The following MLLT10 variants were observed in gnomAD, a reference collection of about 807,000 sequenced individuals.
MLLT10 encodes MLLT10 histone lysine methyltransferase DOT1L cofactor.
MLLT10 carries 30 observed loss-of-function variants against 129.1 expected under a neutral mutation model. The ratio of observed to expected loss-of-function variants is 0.23; its 90% CI spans 0.17 to 0.32. MLLT10 has a LOEUF of 0.32. Among genes scored for constraint, MLLT10 ranks in the 10% least tolerant of loss-of-function variants. The pLI is 1.00. For missense variants in MLLT10, 1,119 were observed against 1,268.3 expected, an observed-to-expected ratio of 0.88 and a Z score of 1.79; for synonymous variants, 490 against 446.4, an observed-to-expected ratio of 1.10 and a Z score of -1.23.
At chr10:21,537,155 A>G (rs1048677154) in intron 2 of MLLT10, among the ~76,000 whole-genome samples, 2 of 152,200 alleles carry the variant, frequency 1.3e-5, no homozygotes, top group Admixed American at 1.3e-4. Flanking sequence ...GATTACAGGC[A>G]TGAGCTGCCT....
intron 11 of MLLT10, among the ~76,000 whole-genome samples, chr10:21,679,125 A>G (rs1401706252): frequency 1.3e-5 from 2 of 152,236 alleles, no homozygotes; most frequent in South Asian, 2.1e-4. Context: ...TAAAATTTGT[A>G]TTATGGATTG....
intron 3 of MLLT10, among the ~76,000 whole-genome samples, chr10:21,555,430 C>T (rs1313269825): frequency 3.4e-5 from 5 of 148,300 alleles, no homozygotes; most frequent in East Asian, 2.1e-4. Flanking sequence ...GCCATGTTGG[C>T]CATGCTGGTC....
intron 5 of MLLT10, among the ~76,000 whole-genome samples, chr10:21,603,354 A>C (rs974259693): frequency 2.0e-5 from 3 of 151,832 alleles, no homozygotes; most frequent in African/African-American, 7.3e-5. Flanking sequence ...GATGTGAGCC[A>C]CTGTGCTGGC....
intron 5 of MLLT10, among the ~76,000 whole-genome samples, chr10:21,605,721 G>A (rs2043994600): frequency 6.6e-6 from 1 of 152,098 alleles, no homozygotes; most frequent in African/African-American, 2.4e-5. Flanking sequence ...CAGGTGTTTG[G>A]CTCACTGGCC....
rs1371307935 is a variant in MLLT10, at chr10:21,704,075, C to T, written c.1700-9697C>T. 4.2e-5 allele frequency among the ~76,000 whole-genome samples: 5 copies of T among 120,234 alleles called. No individual in the cohort carries two copies. In the East Asian group the frequency reaches 1.2e-3, roughly 28 times the overall value. 78.9% of individuals were successfully genotyped at this position (120,234 alleles called of 152,430 possible). On this transcript the variant is annotated intron_variant, in intron 13 of 22. Coordinates refer to ENST00000307729, the MANE Select transcript of MLLT10 (RefSeq NM_001195626.3). The stretch of plus-strand genomic sequence containing the variant: ...TGCTCTGTTGCCCAGGCTAAAGTGA[C>T]CCCAGTTTACTGCAGCCTCTGCCCC...
intron 3 of MLLT10, among the ~76,000 whole-genome samples, chr10:21,546,914 G>C (rs2036174286): frequency 6.6e-6 from 1 of 152,010 alleles, no homozygotes; most frequent in South Asian, 2.1e-4. Flanking sequence ...GTAGAGACGG[G>C]GTTTCTCCAT....
intron 7 of MLLT10, 34 bp from the exon 8 acceptor site, chr10:21,617,078 A>G (rs1174511108): frequency 7.6e-6 from 8 of 1,052,706 alleles, no homozygotes; most frequent in Non-Finnish European, 1.1e-5. Flanking sequence ...TTTTATATAC[A>G]TATACATATA....
At chr10:21,584,851 T>TAC (rs1177840030) in intron 3 of MLLT10, among the ~76,000 whole-genome samples, 2 of 151,762 alleles carry the variant, frequency 1.3e-5, no homozygotes, top group Non-Finnish European at 2.9e-5. Context: ...CACATATATA[T>TAC]ACGTATGTGT....
intron 14 of MLLT10, among the ~76,000 whole-genome samples, chr10:21,718,937 T>A (rs1284595942): frequency 6.6e-6 from 1 of 152,218 alleles, no homozygotes; most frequent in African/African-American, 2.4e-5. Flanking sequence ...TTGGCCAGGC[T>A]GGTCTCGAAC....
chr10:21,551,800 C>CT (rs747938797), intron 3 of MLLT10: 27,483 of 328,094 alleles, frequency 0.084, 13 homozygotes, highest in South Asian at 0.13. Context: ...GTCTCTCTCT[C>CT]TTTTTTTTTT....
At position 21,743,038 on chromosome 10, in the gene MLLT10, TCAC is replaced by T. The variant is rs1172135164; in HGVS notation, c.*1059_*1061del. The T allele has an allele frequency of 4.3e-6, 1 of 230,464 alleles. No homozygotes were observed. Among genetic ancestry groups the T allele is most frequent in the Non-Finnish European group, 8.6e-6 (1 of 116,372 alleles). 14.3% of individuals were successfully genotyped at this position (230,464 alleles called of 1,614,324 possible). A position where few individuals can be genotyped will look rare whatever the true frequency, so the allele number is the denominator to read the frequency against. On this transcript the variant is annotated 3_prime_UTR_variant, in exon 23 of 23. Transcript: ENST00000307729. ...CTTCCCATTACTGACCATTAAAAGC[TCAC>T]CACTAGAGTTCCTGAAACAGGTGAA...
chr10:21,602,997 G>A (rs2131159509), intron 5 of MLLT10, among the ~76,000 whole-genome samples: 1 of 152,118 alleles, frequency 6.6e-6, no homozygotes, highest in African/African-American at 2.4e-5. Context: ...CTCCCAAAGT[G>A]CTGGGATTAC....
chr10:21,630,219 T>G (rs2046872692), intron 8 of MLLT10, among the ~76,000 whole-genome samples: 1 of 152,098 alleles, frequency 6.6e-6, no homozygotes, highest in Non-Finnish European at 1.5e-5. Flanking sequence ...TAATGGATCA[T>G]GAGATTGAGG....
intron 3 of MLLT10, among the ~76,000 whole-genome samples, chr10:21,583,901 G>T (rs1020414968): frequency 1.3e-5 from 2 of 150,136 alleles, no homozygotes; most frequent in Admixed American, 6.6e-5. Flanking sequence ...ACGGAGTCTC[G>T]CTCTGTCACC....
At chr10:21,695,004 C>T (rs2054215243) in intron 13 of MLLT10, among the ~76,000 whole-genome samples, 1 of 152,064 alleles carries the variant, frequency 6.6e-6, no homozygotes, top group Non-Finnish European at 1.5e-5. Flanking sequence ...CTGACTTCGC[C>T]TTCTGCCGCA....
chr10:21,549,331 C>T (rs572262119), intron 3 of MLLT10, among the ~76,000 whole-genome samples: 10 of 152,080 alleles, frequency 6.6e-5, no homozygotes, highest in African/African-American at 2.2e-4. Flanking sequence ...CACTGTGTTT[C>T]GATCTCCTGA....
At chr10:21,662,335 C>A (rs1159183955) in intron 9 of MLLT10, among the ~76,000 whole-genome samples, 2 of 152,070 alleles carry the variant, frequency 1.3e-5, no homozygotes, top group African/African-American at 2.4e-5. Context: ...TCCCTGTATT[C>A]CCATTTTAAC....
At chr10:21,693,386 A>C (rs975982432) in intron 13 of MLLT10, among the ~76,000 whole-genome samples, 5 of 151,374 alleles carry the variant, frequency 3.3e-5, no homozygotes, top group African/African-American at 4.8e-5. Flanking sequence ...GAAAAAAAAA[A>C]CCTTATTTTA....
intron 9 of MLLT10, among the ~76,000 whole-genome samples, chr10:21,660,447 CTG>C (rs1239287392): frequency 1.3e-5 from 2 of 150,324 alleles, no homozygotes; most frequent in Admixed American, 6.6e-5. Flanking sequence ...GAAACTCTTT[CTG>C]TACTAAAAAT....
Sources: gnomAD v4.1 joint callset for allele counts (sites outside exome capture counted in the v4.1 genomes callset) on GRCh38, gnomAD v4.1.1 for gene constraint, MANE v1.5 for transcripts, NCBI Gene and HGNC (gene_info 2026-07-23, HGNC 2026-07-21) for gene names.